Variants in SIDT1 observed in about 807,000 individuals in gnomAD.
SIDT1 encodes the protein SID1 transmembrane family member 1, also known as SID1 transmembrane family, member 1.
A neutral mutation model predicts 107.5 loss-of-function variants in SIDT1; 101 were observed. That is an observed-to-expected ratio of 0.94 (90% CI 0.80 to 1.11). The LOEUF (loss-of-function observed/expected upper bound fraction) is 1.11. Ranked by LOEUF, SIDT1 falls within the 50% of genes least tolerant of loss-of-function variation. SIDT1 has a pLI of 0.00. For missense variants in SIDT1, 1,076 were observed against 1,058.2 expected, an observed-to-expected ratio of 1.02 and a Z score of -0.23; for synonymous variants, 395 against 398.2, an observed-to-expected ratio of 0.99 and a Z score of 0.10.
chr3:113,603,919 C>A, intron 12 of SIDT1, 41 bp from the exon 13 acceptor site: 2 of 1,382,668 alleles, frequency 1.4e-6, no homozygotes, highest in Non-Finnish European at 2.1e-6. Flanking sequence ...GCATAAAGAG[C>A]TGAGTACAGT....
In SIDT1 at chr3:113,628,954, C is replaced by T. The variant is rs1432189100; in HGVS notation, c.*1246C>T. ...CATCTGGGTTCCACTCTCACACTGT[C>T]TGGCAGCTCTGTGTCTGAGAAGTTC... On this transcript the variant is annotated 3_prime_UTR_variant, in exon 25 of 25. Transcript: ENST00000264852. 6.6e-6 allele frequency: 1 copy of T among 152,222 alleles called. No homozygotes were observed. Among genetic ancestry groups the T allele is most frequent in the Non-Finnish European group, 1.5e-5 (1 of 68,036 alleles). 9.4% of individuals were successfully genotyped at this position (152,222 alleles called of 1,614,324 possible). A position where few individuals can be genotyped will look rare whatever the true frequency, so the allele number is the denominator to read the frequency against.
chr3:113,627,272 A>C (rs948601497), intron 24 of SIDT1, among the ~76,000 whole-genome samples: 6 of 152,074 alleles, frequency 3.9e-5, no homozygotes, highest in African/African-American at 1.4e-4. Context: ...TTCCTCCCTT[A>C]TTTAACTTCT....
chr3:113,595,245 A>G (rs542664895), intron 10 of SIDT1, among the ~76,000 whole-genome samples: 1 of 152,042 alleles, frequency 6.6e-6, no homozygotes, highest in Non-Finnish European at 1.5e-5. Context: ...TCCGTGCACT[A>G]GATTCTAGGA....
At chr3:113,589,426 C>A (rs1001855481) in intron 9 of SIDT1, among the ~76,000 whole-genome samples, 1 of 151,978 alleles carries the variant, frequency 6.6e-6, no homozygotes, top group African/African-American at 2.4e-5. Flanking sequence ...TGAGTACATA[C>A]AATTGCTTTC....
rs114425482 is a variant in SIDT1 at position 113,570,554 on chromosome 3, C to T, written c.515+2844C>T. On this transcript the variant is annotated intron_variant, in intron 3 of 24. Coordinates refer to ENST00000264852, the MANE Select transcript of SIDT1 (RefSeq NM_017699.3). ...AATTATTTGCACGCTGGTGAAACTG[C>T]AAATCTATTCCCTCATGTTGCTTTC... 1.4e-3 allele frequency among the ~76,000 whole-genome samples: 210 copies of T among 152,346 alleles called. 2 individuals carry two copies. Among genetic ancestry groups the T allele is most frequent in the Non-Finnish European group, 2.4e-3 (165 of 68,038 alleles).
At chr3:113,601,414 C>T in intron 10 of SIDT1, 174 bp from the exon 11 acceptor site, 1 of 503,278 alleles carries the variant, frequency 2.0e-6, no homozygotes, top group Non-Finnish European at 3.5e-6. Context: ...CATACAGAAA[C>T]AGGTGGCAGG....
At chr3:113,605,217 G>A (rs1246773487) in intron 14 of SIDT1, among the ~76,000 whole-genome samples, 1 of 145,944 alleles carries the variant, frequency 6.9e-6, no homozygotes, top group Non-Finnish European at 1.5e-5. Context: ...CTGCCTCCTG[G>A]ATTAAAGCAA....
At chr3:113,569,405 C>T (rs909148439) in intron 3 of SIDT1, among the ~76,000 whole-genome samples, 3 of 152,060 alleles carry the variant, frequency 2.0e-5, no homozygotes, top group Non-Finnish European at 2.9e-5. Context: ...ATTTCAAAAT[C>T]GTATATGTCA....
intron 3 of SIDT1, among the ~76,000 whole-genome samples, chr3:113,575,744 T>A (rs943092152): frequency 2.6e-5 from 4 of 152,244 alleles, no homozygotes; most frequent in South Asian, 2.1e-4. Flanking sequence ...CTTGCTTAAA[T>A]GTCTTGAAAT....
At chr3:113,566,343 TG>T in intron 1 of SIDT1, 76 bp from the exon 2 acceptor site, 1 of 1,274,608 alleles carries the variant, frequency 7.8e-7, no homozygotes, top group Non-Finnish European at 1.1e-6. Context: ...TGTGTTTGTG[TG>T]TGTGTGTGTG....
intron 19 of SIDT1, among the ~76,000 whole-genome samples, chr3:113,615,336 G>A (rs1467479050): frequency 6.6e-6 from 1 of 152,148 alleles, no homozygotes; most frequent in African/African-American, 2.4e-5. Flanking sequence ...GGAGGAGAAG[G>A]ATTCATAACA....
At chr3:113,577,648 C>T (rs1943009313) in intron 4 of SIDT1, among the ~76,000 whole-genome samples, 3 of 152,148 alleles carry the variant, frequency 2.0e-5, no homozygotes, top group Admixed American at 2.0e-4. Context: ...CTTTCATAAG[C>T]TTCTGAAGAC....
At chr3:113,625,303 A>G (rs1443627762) in intron 23 of SIDT1, among the ~76,000 whole-genome samples, 1 of 151,554 alleles carries the variant, frequency 6.6e-6, no homozygotes, top group Admixed American at 6.6e-5. Flanking sequence ...TGCCCAGCTA[A>G]TTTTTTTGTA....
chr3:113,574,531 C>T (rs943287308), intron 3 of SIDT1, among the ~76,000 whole-genome samples: 20 of 152,276 alleles, frequency 1.3e-4, no homozygotes, highest in African/African-American at 4.8e-4. Context: ...TCAAAAACTA[C>T]TGAAAGTTTG....
chr3:113,627,546 A>T, intron 24 of SIDT1, 100 bp from the exon 25 acceptor site: 1 of 1,087,622 alleles, frequency 9.2e-7, no homozygotes, highest in Non-Finnish European at 1.4e-6. Flanking sequence ...AATGAGAGGG[A>T]ACTAACAGTT....
intron 10 of SIDT1, among the ~76,000 whole-genome samples, chr3:113,597,026 C>T (rs750131464): frequency 8.5e-5 from 13 of 152,166 alleles, no homozygotes; most frequent in Non-Finnish European, 1.8e-4. Flanking sequence ...GACAAAGGGT[C>T]TCAAATTTTA....
At chr3:113,561,322 T>C (rs1400001998) in intron 1 of SIDT1, among the ~76,000 whole-genome samples, 1 of 152,210 alleles carries the variant, frequency 6.6e-6, no homozygotes, top group East Asian at 1.9e-4. Flanking sequence ...TACTCTAATA[T>C]ATTTTTCGCA....
intron 19 of SIDT1, among the ~76,000 whole-genome samples, chr3:113,615,389 C>T (rs908879619): frequency 5.3e-5 from 8 of 152,254 alleles, no homozygotes; most frequent in Middle Eastern, 3.4e-3. Flanking sequence ...TTTGGGCAGA[C>T]CCAGACTGGC....
chr3:113,538,773 A>G (rs1282419783), intron 1 of SIDT1, among the ~76,000 whole-genome samples: 1 of 152,216 alleles, frequency 6.6e-6, no homozygotes. Context: ...TGAGAAGGTT[A>G]TGATAGGTAA....
Sources: allele counts gnomAD v4.1 joint callset (sites outside exome capture counted in the v4.1 genomes callset), GRCh38; gene constraint gnomAD v4.1.1; transcripts MANE v1.5; gene names NCBI Gene and HGNC (gene_info 2026-07-23, HGNC 2026-07-21).